MYO16: variants seen among roughly 807,000 people sequenced by gnomAD.
The protein encoded by MYO16 is myosin XVI, also known as unconventional myosin-XVI.
In MYO16, 94 loss-of-function variants were observed where a neutral mutation model predicts 205.3. The ratio of observed to expected loss-of-function variants is 0.46; its 90% CI spans 0.39 to 0.54. The LOEUF is 0.54. Ranked by LOEUF, MYO16 falls within the 20% of genes least tolerant of loss-of-function variation. The pLI is 0.00. For synonymous variants in MYO16, 988 were observed against 954.0 expected (o/e 1.04, Z -0.66); for missense variants, 2,315 against 2,387.5 (o/e 0.97, Z 0.63).
intron 16 of MYO16, among the ~76,000 whole-genome samples, chr13:108,945,421 T>G (rs1163961499): frequency 1.3e-5 from 2 of 152,176 alleles, no homozygotes; most frequent in African/African-American, 4.8e-5. Flanking sequence ...CGTTTCTTAT[T>G]GAAAATATGT....
intron 33 of MYO16, among the ~76,000 whole-genome samples, chr13:109,168,224 T>G (rs1454299220): frequency 6.6e-6 from 1 of 152,102 alleles, no homozygotes; most frequent in African/African-American, 2.4e-5. Context: ...TAAACTTTAT[T>G]TAATTATAAT....
At chr13:108,806,825 C>T (rs1020259397) in intron 7 of MYO16, 21 bp downstream of exon 7, 1 of 1,439,444 alleles carries the variant, frequency 6.9e-7, no homozygotes, top group Non-Finnish European at 9.2e-7. Context: ...TTGCTGAATT[C>T]TTTAAAAAAT....
rs576292928 is a variant in MYO16, at chr13:108,772,591, GA to G, written c.508-13034del. On this transcript the variant is annotated intron_variant, in intron 4 of 34. Coordinates refer to ENST00000457511, the MANE Select transcript of MYO16 (RefSeq NM_001198950.3). ...ATCCTGAATTACATCCTAAGCCTTGGAAAAAAAAAATGCGATCAAGTGCATA... is the reference window on the plus strand; with the variant it reads ...ATCCTGAATTACATCCTAAGCCTTGGAAAAAAAAATGCGATCAAGTGCATA... Among the ~76,000 whole-genome samples, 334 of 147,516 alleles carry G rather than the reference GA, an allele frequency of 2.3e-3. 3 individuals are homozygous for G. Among genetic ancestry groups the G allele is most frequent in the Admixed American group, 0.015 (228 of 14,738 alleles).
At chr13:108,715,246 C>T (rs1403284499) in intron 3 of MYO16, among the ~76,000 whole-genome samples, 1 of 152,196 alleles carries the variant, frequency 6.6e-6, no homozygotes, top group Non-Finnish European at 1.5e-5. Flanking sequence ...CAGCACATGC[C>T]TCTCAGATGT....
intron 24 of MYO16, among the ~76,000 whole-genome samples, chr13:109,052,081 C>G (rs894841993): frequency 6.6e-5 from 10 of 152,066 alleles, no homozygotes; most frequent in African/African-American, 2.4e-4. Flanking sequence ...GATCAAGACT[C>G]CTGGTCAAGG....
chr13:108,730,950 C>T (rs1408461971), intron 4 of MYO16, among the ~76,000 whole-genome samples: 1 of 152,180 alleles, frequency 6.6e-6, no homozygotes, highest in Non-Finnish European at 1.5e-5. Context: ...CTTGATATTT[C>T]ATCCCATTAC....
At chr13:108,566,735 G>GAGGAAGGAAGGAAGGA in the MYO16 span, among the ~76,000 whole-genome samples, 1 of 134,230 alleles carries the variant, frequency 7.4e-6, no homozygotes, top group Non-Finnish European at 1.6e-5. Context: ...GGAAGGAAGG[G>GAGGAAGGAAGGAAGGA]AGGAAGGAAG....
chr13:109,191,381 G>A (rs1028795956), intron 34 of MYO16, among the ~76,000 whole-genome samples: 1 of 152,068 alleles, frequency 6.6e-6, no homozygotes, highest in Non-Finnish European at 1.5e-5. Flanking sequence ...GGAAAAATAG[G>A]CAATATTTAA....
intron 4 of MYO16, chr13:108,780,057 G>A (rs1432558139): frequency 1.3e-5 from 2 of 152,204 alleles, no homozygotes; most frequent in East Asian, 1.9e-4. Context: ...GGTGGGGTAA[G>A]AAGAGCAAAG....
chr13:109,194,420 G>T (rs1027475698), intron 34 of MYO16, among the ~76,000 whole-genome samples: 12 of 152,178 alleles, frequency 7.9e-5, no homozygotes, highest in Non-Finnish European at 1.6e-4. Context: ...TCTGTGAAAT[G>T]AAGATAATGA....
chr13:108,507,272 T>G, the MYO16 span, among the ~76,000 whole-genome samples: 1 of 152,176 alleles, frequency 6.6e-6, no homozygotes, highest in Non-Finnish European at 1.5e-5. Flanking sequence ...CATTTCAACT[T>G]AAAGGGGCTC....
rs146955371 is a variant in MYO16, at chr13:109,040,385, C to CAGAGAGAGAGAGAGAGAGAGAG, written c.2797-6521_2797-6500dup. On this transcript the variant is annotated intron_variant, in intron 23 of 34. Coordinates refer to ENST00000457511, the MANE Select transcript of MYO16 (RefSeq NM_001198950.3). ...ATACACACACACACACACACACACA[C>CAGAGAGAGAGAGAGAGAGAGAG]AGAGAGAGAGAGAGAGAGAGAGAGA... Among the ~76,000 whole-genome samples, 674 of 113,112 alleles carry CAGAGAGAGAGAGAGAGAGAGAG rather than the reference C, an allele frequency of 6.0e-3. 9 individuals carry two copies. The highest frequency in any genetic ancestry group is 0.013 in the South Asian group (37 of 2,780). The allele number at this position is 113,112 out of a possible 152,430, so 74.2% of individuals were successfully genotyped here. A position where few individuals can be genotyped will look rare whatever the true frequency, so the allele number is the denominator to read the frequency against.
chr13:108,816,384 G>A (rs9583295), intron 7 of MYO16, among the ~76,000 whole-genome samples: 2,914 of 147,702 alleles, frequency 0.02, 88 homozygotes, highest in African/African-American at 0.068. Context: ...TACCGTTTAA[G>A]TTTACGCTAG....
intron 33 of MYO16, among the ~76,000 whole-genome samples, chr13:109,172,749 G>A (rs903949096): frequency 1.3e-5 from 2 of 152,184 alleles, no homozygotes; most frequent in East Asian, 3.8e-4. Context: ...CCTATACACA[G>A]TTATTCATAA....
chr13:108,585,267 A>G, the MYO16 span, among the ~76,000 whole-genome samples: 1 of 152,214 alleles, frequency 6.6e-6, no homozygotes, highest in African/African-American at 2.4e-5. Context: ...GACATCAATC[A>G]AATACATTTA....
chr13:108,656,510 A>T (rs1881252098), intron 1 of MYO16, among the ~76,000 whole-genome samples: 1 of 152,208 alleles, frequency 6.6e-6, no homozygotes, highest in African/African-American at 2.4e-5. Flanking sequence ...GGACATCAAT[A>T]GTGCCCACTT....
intron 20 of MYO16, among the ~76,000 whole-genome samples, chr13:108,977,750 G>C (rs1884314462): frequency 6.6e-6 from 1 of 151,988 alleles, no homozygotes; most frequent in South Asian, 2.1e-4. Context: ...TACTAAAACT[G>C]TATCAATGAT....
At chr13:108,930,228 A>C (rs1882195845) in intron 16 of MYO16, among the ~76,000 whole-genome samples, 1 of 152,196 alleles carries the variant, frequency 6.6e-6, no homozygotes, top group African/African-American at 2.4e-5. Context: ...ACTGAAGTAA[A>C]TATGGCTCAG....
chr13:108,844,687 T>A (rs1227077886), intron 10 of MYO16, among the ~76,000 whole-genome samples, 194 bp downstream of exon 10: 3 of 147,920 alleles, frequency 2.0e-5, no homozygotes, highest in Non-Finnish European at 4.5e-5. Context: ...ATTGCTATTG[T>A]GCTTTACAAT....
Sources: allele counts gnomAD v4.1 joint callset (sites outside exome capture counted in the v4.1 genomes callset), GRCh38; gene constraint gnomAD v4.1.1; transcripts MANE v1.5; gene names NCBI Gene and HGNC (gene_info 2026-07-23, HGNC 2026-07-21).